Variants in MEIKIN observed in about 807,000 individuals in gnomAD.
The protein encoded by MEIKIN is meiosis-specific kinetochore protein.
chr5:131,885,312 A>G (rs1750762444), intron 8 of MEIKIN, among the ~76,000 whole-genome samples: 1 of 137,058 alleles, frequency 7.3e-6, no homozygotes, highest in Non-Finnish European at 1.5e-5. Flanking sequence ...GTGTTACCCC[A>G]CCCCCAGCTG....
At chr5:131,827,855 C>G (rs1238746601) in intron 11 of MEIKIN, among the ~76,000 whole-genome samples, 1 of 151,816 alleles carries the variant, frequency 6.6e-6, no homozygotes, top group Non-Finnish European at 1.5e-5. Context: ...AAAAATTGAC[C>G]ATGTATTAGG....
intron 4 of MEIKIN, among the ~76,000 whole-genome samples, chr5:131,936,310 CAT>C (rs1751776413): frequency 6.6e-6 from 1 of 152,214 alleles, no homozygotes; most frequent in Admixed American, 6.5e-5. Context: ...TCTCTTGTAT[CAT>C]ATCTCCCCAT....
chr5:131,900,677 G>C (rs1249001819), intron 8 of MEIKIN, among the ~76,000 whole-genome samples: 1 of 152,154 alleles, frequency 6.6e-6, no homozygotes, highest in African/African-American at 2.4e-5. Flanking sequence ...ATGAGATAGG[G>C]CTGGTCTACC....
At chr5:131,901,702 G>A (rs1355994921) in intron 8 of MEIKIN, among the ~76,000 whole-genome samples, 1 of 152,116 alleles carries the variant, frequency 6.6e-6, no homozygotes, top group East Asian at 1.9e-4. Flanking sequence ...CCACAGAATT[G>A]GAGCACACAA....
chr5:131,887,141 C>T (rs1007345047), intron 8 of MEIKIN, among the ~76,000 whole-genome samples: 3 of 151,878 alleles, frequency 2.0e-5, no homozygotes, highest in Non-Finnish European at 2.9e-5. Flanking sequence ...TTCACCCATG[C>T]CCCTGCAAAG....
chr5:131,877,414 G>A (rs886965441), intron 9 of MEIKIN, among the ~76,000 whole-genome samples: 6 of 152,226 alleles, frequency 3.9e-5, no homozygotes, highest in East Asian at 3.9e-4. Context: ...AGGTTGAAGC[G>A]GGTGGATCGC....
intron 5 of MEIKIN, among the ~76,000 whole-genome samples, chr5:131,928,545 A>G (rs182856340): frequency 2.0e-5 from 3 of 152,280 alleles, no homozygotes; most frequent in African/African-American, 7.2e-5. Flanking sequence ...CCCCTCCTGC[A>G]CTTTATTCAT....
chr5:131,871,137 T>G (rs1389114034), intron 9 of MEIKIN, among the ~76,000 whole-genome samples: 2 of 152,180 alleles, frequency 1.3e-5, no homozygotes, highest in Admixed American at 1.3e-4. Flanking sequence ...CACTGGGGTG[T>G]GCCAGATAGT....
intron 8 of MEIKIN, among the ~76,000 whole-genome samples, chr5:131,905,755 A>T (rs1751233536): frequency 6.6e-6 from 1 of 152,200 alleles, no homozygotes; most frequent in Non-Finnish European, 1.5e-5. Flanking sequence ...ATCTTTGACA[A>T]ATCTACCAAA....
At chr5:131,842,352 T>C (rs1749930137) in intron 11 of MEIKIN, among the ~76,000 whole-genome samples, 1 of 152,206 alleles carries the variant, frequency 6.6e-6, no homozygotes, top group Admixed American at 6.5e-5. Flanking sequence ...TGAATAGAAG[T>C]AGCAAGAATG....
rs1205630616 is a variant in MEIKIN, at chr5:131,896,338, GT to G, written c.703+15476del. ...TCAATTTTAGAACAAGTCCAATGCGGTGCTGAGAAGAATGTAAATTCTGTTG... is the reference window on the plus strand; with the variant it reads ...TCAATTTTAGAACAAGTCCAATGCGGGCTGAGAAGAATGTAAATTCTGTTG... On this transcript the variant is annotated intron_variant, in intron 8 of 12. Transcript: ENST00000442687. Among the ~76,000 whole-genome samples, 8 of 152,294 alleles carry G rather than the reference GT, an allele frequency of 5.3e-5. No homozygotes were observed. The East Asian group carries it at 1.5e-3, about 29-fold the overall frequency.
chr5:131,891,603 A>ATG (rs1387206020), intron 8 of MEIKIN, among the ~76,000 whole-genome samples: 5 of 151,356 alleles, frequency 3.3e-5, no homozygotes, highest in South Asian at 2.1e-4. Context: ...TTTTGAGCCT[A>ATG]TGTGTCTCTG....
intron 4 of MEIKIN, among the ~76,000 whole-genome samples, chr5:131,942,428 A>T (rs1163558578): frequency 6.6e-6 from 1 of 152,246 alleles, no homozygotes; most frequent in Non-Finnish European, 1.5e-5. Flanking sequence ...TCTCTTTTAC[A>T]GTACTTATCA....
Position 131,933,392 on chromosome 5 carries a change from G to A in MEIKIN, c.478+121C>T, listed in dbSNP as rs144864076. 6.2e-3 allele frequency: 2,362 copies of A among 380,988 alleles called. 12 individuals carry two copies. Among genetic ancestry groups the A allele is most frequent in the Middle Eastern group, 0.01 (15 of 1,494 alleles). 23.6% of individuals were successfully genotyped at this position (380,988 alleles called of 1,614,324 possible). A position where few individuals can be genotyped will look rare whatever the true frequency, so the allele number is the denominator to read the frequency against. On this transcript the variant is annotated intron_variant, in intron 5 of 12. Transcript: ENST00000442687. ...CACAACGGGTAATGGTCAGGGAAGTGAGGTGTTGGTGAGGAAGAGGAGTAT... is the reference window on the plus strand; with the variant it reads ...CACAACGGGTAATGGTCAGGGAAGTAAGGTGTTGGTGAGGAAGAGGAGTAT...
chr5:131,923,550 T>C (rs1751542023), intron 5 of MEIKIN, among the ~76,000 whole-genome samples: 1 of 151,832 alleles, frequency 6.6e-6, no homozygotes, highest in South Asian at 2.1e-4. Context: ...CTTATGATTT[T>C]TTTTTCTGGT....
chr5:131,911,318 T>A (rs565625617), intron 8 of MEIKIN, among the ~76,000 whole-genome samples: 3 of 152,174 alleles, frequency 2.0e-5, no homozygotes, highest in African/African-American at 7.2e-5. Context: ...ATGGATGCTA[T>A]AAAACTTGAT....
chr5:131,827,538 A>G (rs1455467735), intron 11 of MEIKIN, among the ~76,000 whole-genome samples: 2 of 152,198 alleles, frequency 1.3e-5, no homozygotes, highest in Non-Finnish European at 2.9e-5. Context: ...AAAAAGATAT[A>G]CCAAGGAAAT....
intron 8 of MEIKIN, among the ~76,000 whole-genome samples, chr5:131,890,258 T>G (rs1750885556): frequency 1.3e-5 from 2 of 152,208 alleles, no homozygotes; most frequent in Non-Finnish European, 2.9e-5. Flanking sequence ...TTGAATGGAA[T>G]AGTTTCAGAA....
chr5:131,890,669 T>A (rs1458094333), intron 8 of MEIKIN, among the ~76,000 whole-genome samples: 2 of 152,192 alleles, frequency 1.3e-5, no homozygotes, highest in African/African-American at 4.8e-5. Flanking sequence ...AAAAACCAGC[T>A]CCTGGATTCA....
Sources: allele counts gnomAD v4.1 joint callset (sites outside exome capture counted in the v4.1 genomes callset), GRCh38; gene constraint gnomAD v4.1.1; transcripts MANE v1.5; gene names NCBI Gene and HGNC (gene_info 2026-07-23, HGNC 2026-07-21).